Variants in VPS13B observed in about 807,000 individuals in gnomAD.
The protein encoded by VPS13B is vacuolar protein sorting 13 homolog B, also known as intermembrane lipid transfer protein VPS13B.
A neutral mutation model predicts 426.4 loss-of-function variants in VPS13B; 285 were observed. The observed-to-expected ratio is 0.67, with a 90% CI of 0.61 to 0.74. VPS13B has a LOEUF of 0.74. VPS13B is among the 30% of genes least tolerant of loss of function. VPS13B has a pLI of 0.00. For synonymous variants in VPS13B, 1,676 were observed against 1,676.4 expected, an observed-to-expected ratio of 1.00 and a Z score of 0.01; for missense variants, 4,537 against 4,782.6, an observed-to-expected ratio of 0.95 and a Z score of 1.51.
chr8:99,745,733 C>T (rs1285425853), intron 39 of VPS13B, among the ~76,000 whole-genome samples: 1 of 151,890 alleles, frequency 6.6e-6, no homozygotes, highest in Non-Finnish European at 1.5e-5. Context: ...TGAGTCTAAC[C>T]CATCTTTAGT....
At chr8:99,264,997 C>T (rs1818229333) in intron 17 of VPS13B, among the ~76,000 whole-genome samples, 1 of 152,022 alleles carries the variant, frequency 6.6e-6, no homozygotes, top group African/African-American at 2.4e-5. Flanking sequence ...TTAAAGAGAA[C>T]TAGCATCATG....
At chr8:99,489,522 T>C (rs926727938) in intron 25 of VPS13B, among the ~76,000 whole-genome samples, 2 of 152,202 alleles carry the variant, frequency 1.3e-5, no homozygotes, top group African/African-American at 2.4e-5. Flanking sequence ...ATATTGATTC[T>C]TCCTATCCAT....
At chr8:99,588,939 A>G (rs1826449108) in intron 33 of VPS13B, among the ~76,000 whole-genome samples, 2 of 150,728 alleles carry the variant, frequency 1.3e-5, no homozygotes, top group Middle Eastern at 3.4e-3. Context: ...AGTGTTTATC[A>G]TAAATAGCTC....
Position 99,819,517 on chromosome 8 carries a change from C to T in VPS13B, c.8727C>T (p.Asp2909=), listed in dbSNP as rs201517365. ...GAGGCACAGTTAATCAGATCCTTGA[C>T]GAATTCTATGGGCCAGAAAAGTCGC... is the stretch of plus-strand genomic sequence containing the variant. The part of the protein sequence containing the change: ...HPGGTVNQIL[D]EFYGPEKSLQ... Residue 2909 remains aspartate (D), a synonymous_variant, in exon 48 of 62, where the codon GAC becomes GAT. Coordinates refer to ENST00000357162, the MANE Select transcript of VPS13B (RefSeq NM_152564.5). 172 of 1,613,824 alleles carry T rather than the reference C, an allele frequency of 1.1e-4. No homozygotes were observed. Among genetic ancestry groups the T allele is most frequent in the South Asian group, 8.8e-4 (80 of 91,054 alleles).
At chr8:99,781,341 T>A (rs1812011381) in intron 42 of VPS13B, among the ~76,000 whole-genome samples, 2 of 152,178 alleles carry the variant, frequency 1.3e-5, no homozygotes, top group African/African-American at 4.8e-5. Flanking sequence ...AAGGTTACAC[T>A]TATGTGTCTT....
Position 99,143,050 on chromosome 8 carries a change from C to G in VPS13B, c.1728C>G (p.Ser576Arg). The change falls in exon 13 of 62, where the codon AGC becomes AGG. Residue 576 changes from serine to arginine, a missense_variant. Ser to Arg is a moderately radical substitution (Grantham distance 110). Transcript: ENST00000357162. ...CAGTTCAGGAGAAGTCCACCAAAAG[C>G]CTTGTTATAGGTCCTCTTGATTTTC... is the stretch of plus-strand genomic sequence containing the variant. ...LGTVQEKSTK[S>R]LVIGPLDFRL... The G allele has an allele frequency of 1.9e-6, 3 of 1,613,962 alleles. No homozygotes were observed. The highest frequency in any genetic ancestry group is 2.5e-6 in the Non-Finnish European group (3 of 1,179,932).
At chr8:99,821,049 TAA>T (rs71572044) in intron 49 of VPS13B, among the ~76,000 whole-genome samples, 2 of 110,226 alleles carry the variant, frequency 1.8e-5, no homozygotes. Context: ...CCATTGTGAG[TAA>T]AAAAAAAAAA....
At position 99,871,641 on chromosome 8, in the gene VPS13B, C is replaced by T; in HGVS notation, c.11689C>T (p.Gln3897Ter). The T allele has an allele frequency of 6.2e-7, 1 of 1,614,178 alleles. No individual in the cohort carries two copies. The highest frequency in any genetic ancestry group is 8.5e-7 in the Non-Finnish European group (1 of 1,180,046). Reference protein sequence around the residue: ...TEIDCAQDSKQNNLLTVQLKQ... With the variant: ...TEIDCAQDSK Reference sequence around the variant, plus strand: ...AATCGACTGTGCACAGGACAGCAAGCAGAACAACTTACTCACAGTGCAGCT... The same window carrying T: ...AATCGACTGTGCACAGGACAGCAAGTAGAACAACTTACTCACAGTGCAGCT... The change falls in exon 61 of 62, where the codon CAG becomes TAG. Residue 3897 changes from glutamine to a stop codon, truncating the protein, a stop_gained. Transcript: ENST00000357162. LOFTEE classifies it high-confidence loss of function.
chr8:99,597,260 T>A (rs900445392), intron 33 of VPS13B, among the ~76,000 whole-genome samples: 17 of 151,986 alleles, frequency 1.1e-4, no homozygotes, highest in Non-Finnish European at 1.0e-4. Context: ...CTGGGTGATC[T>A]GATCACAGGG....
chr8:99,342,265 C>T (rs763958038), intron 19 of VPS13B, among the ~76,000 whole-genome samples: 1 of 152,096 alleles, frequency 6.6e-6, no homozygotes. Flanking sequence ...TTGAAATTTA[C>T]ACTCTTCATT....
At chr8:99,819,294 C>T (rs1011170895) in intron 47 of VPS13B, 118 bp from the exon 48 acceptor site, 6 of 1,208,506 alleles carry the variant, frequency 5.0e-6, no homozygotes, top group Non-Finnish European at 7.1e-6. Context: ...CATAAATGGA[C>T]TCTATCTACC....
At chr8:99,841,467 C>T (rs1254194505) in intron 54 of VPS13B, among the ~76,000 whole-genome samples, 2 of 152,214 alleles carry the variant, frequency 1.3e-5, no homozygotes, top group Admixed American at 6.5e-5. Flanking sequence ...TTTCCCAGTA[C>T]AAAAACCATA....
chr8:99,701,497 T>A (rs1832279051), intron 36 of VPS13B, among the ~76,000 whole-genome samples: 1 of 152,168 alleles, frequency 6.6e-6, no homozygotes, highest in South Asian at 2.1e-4. Context: ...ACCTCTAAAA[T>A]ATTAAAAATC....
At chr8:99,235,747 A>G (rs1248053214) in intron 17 of VPS13B, among the ~76,000 whole-genome samples, 1 of 152,218 alleles carries the variant, frequency 6.6e-6, no homozygotes, top group Non-Finnish European at 1.5e-5. Context: ...TTACACAAGT[A>G]CTACCATGTA....
rs1563546094 is a variant in VPS13B, at chr8:99,111,128, A to AT, written c.616dup (p.Ser206PhefsTer2). The AT allele has an allele frequency of 6.2e-7, 1 of 1,604,830 alleles. No individual in the cohort carries two copies. Among genetic ancestry groups the AT allele is most frequent in the East Asian group, 2.2e-5 (1 of 44,452 alleles). Reference sequence around the variant, plus strand: ...GATTTGGTGCTGAGAAAGGTTATCAATTTTTCTGACTGTACAGTTTGTCTT... The same window carrying AT: ...GATTTGGTGCTGAGAAAGGTTATCAATTTTTTCTGACTGTACAGTTTGTCTT... On this transcript the variant is annotated frameshift_variant, in exon 6 of 62. Coordinates refer to ENST00000357162, the MANE Select transcript of VPS13B (RefSeq NM_152564.5). LOFTEE classifies it high-confidence loss of function.
chr8:99,619,020 G>A (rs1828233257), intron 33 of VPS13B, among the ~76,000 whole-genome samples: 1 of 151,962 alleles, frequency 6.6e-6, no homozygotes, highest in Admixed American at 6.6e-5. Flanking sequence ...GTGGTGTTAT[G>A]GCTATAATAG....
At chr8:99,194,037 G>T (rs1813752284) in intron 17 of VPS13B, among the ~76,000 whole-genome samples, 1 of 152,122 alleles carries the variant, frequency 6.6e-6, no homozygotes, top group African/African-American at 2.4e-5. Context: ...ATAATTTTGT[G>T]TGACTTAATC....
At chr8:99,064,611 A>G (rs936988456) in intron 3 of VPS13B, among the ~76,000 whole-genome samples, 1 of 152,256 alleles carries the variant, frequency 6.6e-6, no homozygotes, top group African/African-American at 2.4e-5. Context: ...GACTATGTGA[A>G]AAAACCAAAT....
At chr8:99,503,783 TCC>T (rs1821356973) in intron 27 of VPS13B, among the ~76,000 whole-genome samples, 1 of 152,162 alleles carries the variant, frequency 6.6e-6, no homozygotes, top group African/African-American at 2.4e-5. Flanking sequence ...CATTACTTCC[TCC>T]AGTGAGGTCT....
Sources: gnomAD v4.1 joint callset for allele counts (sites outside exome capture counted in the v4.1 genomes callset) on GRCh38, gnomAD v4.1.1 for gene constraint, MANE v1.5 for transcripts, NCBI Gene and HGNC (gene_info 2026-07-23, HGNC 2026-07-21) for gene names.